TEX35: variants seen among roughly 807,000 people sequenced by gnomAD.
The protein encoded by TEX35 is testis-expressed protein 35.
Under a neutral mutation model 31.9 loss-of-function variants are expected in TEX35, and 26 were observed. The observed-to-expected ratio is 0.81, with a 90% CI of 0.60 to 1.13. The LOEUF is 1.13. TEX35 is among the 50% of genes most tolerant of loss of function. The probability of loss-of-function intolerance (pLI) is 0.00; values close to 1 mark genes in which losing one functional copy is unlikely to be tolerated. For synonymous variants in TEX35, 87 were observed against 90.7 expected, an observed-to-expected ratio of 0.96 and a Z score of 0.23; for missense variants, 278 against 273.5, an observed-to-expected ratio of 1.02 and a Z score of -0.12.
intron 3 of TEX35, 129 bp from the exon 4 acceptor site, chr1:178,515,730 T>C (rs1650051371): frequency 1.1e-5 from 8 of 717,226 alleles, no homozygotes; most frequent in Middle Eastern, 4.8e-4. Flanking sequence ...CAACAACATC[T>C]TTTCTTTCCT....
rs916786652 is a variant in TEX35, at chr1:178,513,172, C to T, written c.-17C>T. On this transcript the variant is annotated 5_prime_UTR_variant, in exon 1 of 9. Coordinates refer to ENST00000319416, the MANE Select transcript of TEX35 (RefSeq NM_032126.5). ...GGCTGTTGTGGGGAGTTGAAGAACA[C>T]CCTGGCCTCCTCCATCATGTCGGCC... is the stretch of plus-strand genomic sequence containing the variant. 3 of 1,613,976 alleles carry T rather than the reference C, an allele frequency of 1.9e-6. No homozygotes were observed. The highest frequency in any genetic ancestry group is 2.5e-6 in the Non-Finnish European group (3 of 1,179,960).
chr1:178,520,988 C>A, intron 7 of TEX35, 114 bp downstream of exon 7: 1 of 1,552,534 alleles, frequency 6.4e-7, no homozygotes, highest in East Asian at 2.4e-5. Context: ...CCGCCCGCTG[C>A]TGACTTCTGG....
chr1:178,513,588 C>T (rs1649954103), intron 1 of TEX35, among the ~76,000 whole-genome samples: 1 of 152,336 alleles, frequency 6.6e-6, no homozygotes, highest in Middle Eastern at 3.4e-3. Flanking sequence ...ATCATCACGT[C>T]GATTTTATAG....
At chr1:178,513,868 G>A (rs995287260) in intron 1 of TEX35, among the ~76,000 whole-genome samples, 159 bp from the exon 2 acceptor site, 8 of 152,254 alleles carry the variant, frequency 5.3e-5, no homozygotes, top group South Asian at 2.1e-4. Flanking sequence ...AATCGGATCC[G>A]GGTGCTGCGG....
chr1:178,513,884 G>T, intron 1 of TEX35, 143 bp from the exon 2 acceptor site: 1 of 888,068 alleles, frequency 1.1e-6, no homozygotes, highest in Non-Finnish European at 1.7e-6. Flanking sequence ...TGCGGGGTCT[G>T]TGAGCCTGAG....
intron 8 of TEX35, 30 bp from the exon 9 acceptor site, chr1:178,522,295 G>T (rs986928122): frequency 1.2e-5 from 19 of 1,547,048 alleles, no homozygotes; most frequent in Non-Finnish European, 1.7e-5. Flanking sequence ...CCCCCTTGAA[G>T]GTTTCCTCTC....
At chr1:178,518,451 C>T (rs185417229) in intron 5 of TEX35, among the ~76,000 whole-genome samples, 123 of 151,908 alleles carry the variant, frequency 8.1e-4, no homozygotes, top group African/African-American at 2.6e-3. Context: ...AATTTGGAAA[C>T]GACCTCAATT....
In TEX35 at chr1:178,520,658, G is replaced by A. The variant is rs1394707547; in HGVS notation, c.342-15G>A. On this transcript the variant is annotated splice_polypyrimidine_tract_variant and intron_variant, in intron 6 of 8. Transcript: ENST00000319416. Reference sequence around the variant, plus strand: ...CTCCCCAACTCTCTGCCCCTCCCTGGCCCTCCTCCCCCAGTCCCCTTAGAA... The same window carrying A: ...CTCCCCAACTCTCTGCCCCTCCCTGACCCTCCTCCCCCAGTCCCCTTAGAA... 1 of 1,612,328 alleles carries A rather than the reference G, an allele frequency of 6.2e-7. No individual in the cohort carries two copies.
chr1:178,520,453 C>T lies in TEX35; in HGVS notation c.341+17C>T, dbSNP rs373067711. The T allele has an allele frequency of 3.1e-6, 5 of 1,614,100 alleles. No individual in the cohort carries two copies. Among genetic ancestry groups the T allele is most frequent in the Middle Eastern group, 1.6e-4 (1 of 6,062 alleles). ...CTATAAGCTGTAAGTGTAACCTGCA[C>T]TCGTCTCTCCTCATCCCTAAAGGGT... is the stretch of plus-strand genomic sequence containing the variant. On this transcript the variant is annotated intron_variant, in intron 6 of 8. Coordinates refer to ENST00000319416, the MANE Select transcript of TEX35 (RefSeq NM_032126.5).
Position 178,513,154 on chromosome 1 carries a change from G to A in TEX35, c.-35G>A, listed in dbSNP as rs1432129792. 22 of 1,612,420 alleles carry A rather than the reference G, an allele frequency of 1.4e-5. No individual in the cohort carries two copies. The highest frequency in any genetic ancestry group is 1.9e-5 in the Non-Finnish European group (22 of 1,178,694). On this transcript the variant is annotated 5_prime_UTR_variant, in exon 1 of 9. In the 5' UTR this introduces an upstream ATG that the reference lacks. Transcript: ENST00000319416. ...CAGTGGCCTGGTCCCAGGGGCTGTT[G>A]TGGGGAGTTGAAGAACACCCTGGCC...
rs137984505 is a variant in TEX35 at position 178,514,747 on chromosome 1, A to G, written c.138A>G (p.Ala46=). Residue 46 remains alanine (A), a synonymous_variant, in exon 3 of 9, where the codon GCA becomes GCG. Transcript: ENST00000319416. ...AVKQEGRFTK[A]GVTQDLKNEL... ...AACAAGAAGGGCGGTTTACCAAAGC[A>G]GGAGTGACACAGGACCTAAAGGTGA... is the stretch of plus-strand genomic sequence containing the variant. 5.1e-5 allele frequency: 83 copies of G among 1,613,872 alleles called. No homozygotes were observed. The highest frequency in any genetic ancestry group is 6.4e-5 in the Non-Finnish European group (76 of 1,179,948).
Position 178,515,842 on chromosome 1 carries a change from C to G in TEX35, c.160-17C>G, listed in dbSNP as rs751420901. On this transcript the variant is annotated splice_polypyrimidine_tract_variant and intron_variant, in intron 3 of 8. Transcript: ENST00000319416. Reference sequence around the variant, plus strand: ...GATATTTCTTTCCTCCTTCTCTTCTCCATTTTATTTCCTCAGAATGAACTC... The same window carrying G: ...GATATTTCTTTCCTCCTTCTCTTCTGCATTTTATTTCCTCAGAATGAACTC... The G allele has an allele frequency of 1.9e-6, 3 of 1,603,948 alleles. No individual in the cohort carries two copies. Among genetic ancestry groups the G allele is most frequent in the Non-Finnish European group, 2.6e-6 (3 of 1,172,786 alleles).
Position 178,520,687 on chromosome 1 carries a change from C to G in TEX35, c.356C>G (p.Ala119Gly), listed in dbSNP as rs140390790. ...TCCTCCCCCAGTCCCCTTAGAAGAG[C>G]ACCAAAGGAGCAGCAGGAACTCAGG... ...QKNYKLPLRR[A>G]PKEQQELRLM... Residue 119 changes from alanine (A) to glycine (G), a missense_variant, in exon 7 of 9, where the codon GCA becomes GGA. Transcript: ENST00000319416. 3 of 1,613,870 alleles carry G rather than the reference C, an allele frequency of 1.9e-6. No homozygotes were observed. The highest frequency in any genetic ancestry group is 1.3e-5 in the African/African-American group (1 of 74,892).
chr1:178,514,052 T>G lies in TEX35; in HGVS notation c.65T>G (p.Leu22Arg). Reference sequence around the variant, plus strand: ...AGCAAGAACTACAAGGCAGTTTGCCTGGAATTGAAGCCAGAGCCGACCAAA... The same window carrying G: ...AGCAAGAACTACAAGGCAGTTTGCCGGGAATTGAAGCCAGAGCCGACCAAA... ...HLSKNYKAVCLELKPEPTKTF... is the reference protein window; with the variant it reads ...HLSKNYKAVCRELKPEPTKTF... Residue 22 changes from leucine to arginine, a missense_variant, in exon 2 of 9, where the codon CTG becomes CGG. By Grantham distance (102) the Leu-to-Arg change is moderately radical (BLOSUM62 -2). Coordinates refer to ENST00000319416, the MANE Select transcript of TEX35 (RefSeq NM_032126.5). 1 of 1,614,142 alleles carries G rather than the reference T, an allele frequency of 6.2e-7. No homozygotes were observed. Among genetic ancestry groups the G allele is most frequent in the Non-Finnish European group, 8.5e-7 (1 of 1,180,036 alleles).
intron 8 of TEX35, chr1:178,521,859 A>C: frequency 6.7e-7 from 1 of 1,487,678 alleles, no homozygotes; most frequent in Non-Finnish European, 8.9e-7. Context: ...GAGTGTGTGG[A>C]GGTTGATTAT....
intron 3 of TEX35, among the ~76,000 whole-genome samples, chr1:178,515,375 A>G (rs1001514093): frequency 3.3e-5 from 5 of 152,186 alleles, no homozygotes; most frequent in African/African-American, 1.2e-4. Flanking sequence ...CTGGGATTAC[A>G]GGTTTGAGCC....
At chr1:178,522,261 G>A in intron 8 of TEX35, 64 bp from the exon 9 acceptor site, 1 of 1,508,562 alleles carries the variant, frequency 6.6e-7, no homozygotes. Flanking sequence ...AGCTTTCTTG[G>A]GTTCTGGGGA....
intron 1 of TEX35, 66 bp downstream of exon 1, chr1:178,513,293 C>T (rs370034661): frequency 2.7e-4 from 432 of 1,588,196 alleles, no homozygotes; most frequent in Non-Finnish European, 3.4e-4. Context: ...GAGATGGTGT[C>T]GGGGCAAGGG....
chr1:178,513,409 G>T (rs1649946923), intron 1 of TEX35, among the ~76,000 whole-genome samples, 182 bp downstream of exon 1: 1 of 152,222 alleles, frequency 6.6e-6, no homozygotes, highest in Non-Finnish European at 1.5e-5. Flanking sequence ...AGCCTTGGGG[G>T]TGGGAAGGAA....
Sources: allele counts gnomAD v4.1 joint callset (sites outside exome capture counted in the v4.1 genomes callset), GRCh38; gene constraint gnomAD v4.1.1; transcripts MANE v1.5; gene names NCBI Gene and HGNC (gene_info 2026-07-23, HGNC 2026-07-21).